NTM: variants seen among roughly 807,000 people sequenced by gnomAD.
NTM encodes neurotrimin.
Under a neutral mutation model 42.1 loss-of-function variants are expected in NTM, and 13 were observed. The ratio of observed to expected loss-of-function variants is 0.31; its 90% CI spans 0.20 to 0.49. NTM has a LOEUF of 0.49. NTM is among the 20% of genes least tolerant of loss of function. The pLI is 0.99. For missense variants in NTM, 373 were observed against 452.8 expected, an observed-to-expected ratio of 0.82 and a Z score of 1.60; for synonymous variants, 187 against 179.2, an observed-to-expected ratio of 1.04 and a Z score of -0.35.
intron 1 of NTM, chr11:131,795,046 G>A (rs2091403026): frequency 1.1e-6 from 1 of 890,410 alleles, no homozygotes. Flanking sequence ...CAAAGGGGGG[G>A]AAAAAAACAG....
At chr11:131,700,202 A>C (rs2075934606) in intron 1 of NTM, among the ~76,000 whole-genome samples, 1 of 152,254 alleles carries the variant, frequency 6.6e-6, no homozygotes, top group Non-Finnish European at 1.5e-5. Flanking sequence ...CCAGCCAAAA[A>C]ATTGTCTTTC....
chr11:131,911,477 C>T, intron 1 of NTM, 87 bp from the exon 2 acceptor site: 1 of 1,614,016 alleles, frequency 6.2e-7, no homozygotes, highest in African/African-American at 1.3e-5. Flanking sequence ...TTGTGGCTGT[C>T]GAGAATGGGG....
chr11:131,489,669 C>T (rs534638341), intron 1 of NTM, among the ~76,000 whole-genome samples: 8 of 152,262 alleles, frequency 5.3e-5, no homozygotes, highest in African/African-American at 1.4e-4. Context: ...GGGGCCCTTA[C>T]GTTTTCTTCA....
At chr11:132,078,011 T>C (rs2058581648) in intron 2 of NTM, among the ~76,000 whole-genome samples, 3 of 152,058 alleles carry the variant, frequency 2.0e-5, no homozygotes, top group South Asian at 2.1e-4. Context: ...ACTTGAAAAA[T>C]AGAAATGTAT....
At position 132,146,781 on chromosome 11, in the gene NTM, C is replaced by A. The variant is rs1293073690; in HGVS notation, c.400+267C>A. On this transcript the variant is annotated intron_variant, in intron 3 of 8. Coordinates refer to ENST00000683400, the MANE Select transcript of NTM (RefSeq NM_001352005.2). This position sits in a 1 kb window ranked among gnomAD's most constrained non-coding sequence, Gnocchi z 4.5. The stretch of plus-strand genomic sequence containing the variant: ...ATCTTGTAATTATTGCTCTTCTTGG[C>A]TTTTTTCTCCCCTAAGTTTTAGTTA... The A allele has an allele frequency of 2.4e-6, 1 of 425,270 alleles. No homozygotes were observed. The allele number at this position is 425,270 out of a possible 1,614,324, so 26.3% of individuals were successfully genotyped here. A position where few individuals can be genotyped will look rare whatever the true frequency, so the allele number is the denominator to read the frequency against.
chr11:132,024,551 T>C (rs925176135), intron 2 of NTM, among the ~76,000 whole-genome samples: 1 of 152,220 alleles, frequency 6.6e-6, no homozygotes, highest in South Asian at 2.1e-4. Context: ...TTGAATAGTT[T>C]CGATCCCCAG....
At chr11:132,150,446 T>C (rs2137417055) in intron 3 of NTM, among the ~76,000 whole-genome samples, 1 of 152,266 alleles carries the variant, frequency 6.6e-6, no homozygotes, top group South Asian at 2.1e-4. Flanking sequence ...CTTTATTGGA[T>C]AGTGCTATAA....
intron 1 of NTM, among the ~76,000 whole-genome samples, chr11:131,891,341 A>G (rs1435333696): frequency 1.3e-5 from 2 of 152,102 alleles, no homozygotes; most frequent in Non-Finnish European, 2.9e-5. Context: ...TGAGGGGTGA[A>G]TAGTGTTGAT....
intron 1 of NTM, among the ~76,000 whole-genome samples, chr11:131,499,481 G>A (rs138887134): frequency 6.6e-6 from 1 of 152,126 alleles, no homozygotes; most frequent in Admixed American, 6.5e-5. Context: ...GCCTGCAGAA[G>A]GTCTCCCCAC....
intron 1 of NTM, among the ~76,000 whole-genome samples, chr11:131,756,723 T>G (rs1417888247): frequency 6.6e-6 from 1 of 151,978 alleles, no homozygotes; most frequent in Non-Finnish European, 1.5e-5. Flanking sequence ...TCAGGGATTA[T>G]CTCATCTCAG....
intron 1 of NTM, among the ~76,000 whole-genome samples, chr11:131,627,821 ACT>A (rs901862804): frequency 1.4e-4 from 22 of 151,962 alleles, no homozygotes; most frequent in Non-Finnish European, 2.6e-4. Context: ...ACAGAGTAAG[ACT>A]CTGTCTTAAC....
chr11:132,190,908 C>T (rs182470355), intron 3 of NTM, among the ~76,000 whole-genome samples: 238 of 151,926 alleles, frequency 1.6e-3, no homozygotes, highest in Non-Finnish European at 2.4e-3. Context: ...CAGTCAAATG[C>T]CATTGGAGGT....
chr11:131,998,453 G>C (rs1054527091), intron 2 of NTM, among the ~76,000 whole-genome samples: 4 of 152,188 alleles, frequency 2.6e-5, no homozygotes, highest in African/African-American at 9.7e-5. Context: ...GGGCCACCCT[G>C]GCCAGCCCTC....
intron 1 of NTM, among the ~76,000 whole-genome samples, chr11:131,648,739 G>T (rs899780559): frequency 6.6e-6 from 1 of 152,128 alleles, no homozygotes; most frequent in Non-Finnish European, 1.5e-5. Flanking sequence ...GAAAAAAGAG[G>T]CAGTAACAGT....
intron 1 of NTM, among the ~76,000 whole-genome samples, chr11:131,468,575 G>C (rs1952117959): frequency 6.6e-6 from 1 of 152,000 alleles, no homozygotes; most frequent in South Asian, 2.1e-4. Context: ...TTATTTTTCT[G>C]ATGCTACAGT....
At chr11:132,298,334 A>G (rs1053194908) in intron 4 of NTM, among the ~76,000 whole-genome samples, 1 of 152,068 alleles carries the variant, frequency 6.6e-6, no homozygotes. Context: ...TTTTATTTTT[A>G]TTTTTTTAGC....
rs567645914 is a variant in NTM, at chr11:132,004,982, G to A, written c.167+93334G>A. 1.3e-4 allele frequency among the ~76,000 whole-genome samples: 20 copies of A among 152,238 alleles called. No homozygotes were observed. In the South Asian group the frequency reaches 3.9e-3, roughly 30 times the overall value. On this transcript the variant is annotated intron_variant, in intron 2 of 8. Coordinates refer to ENST00000683400, the MANE Select transcript of NTM (RefSeq NM_001352005.2). ...TTACCTTACCACGCAGAATGACAACGGGATGCTAGGACTAAGCCAACTTCA... is the reference window on the plus strand; with the variant it reads ...TTACCTTACCACGCAGAATGACAACAGGATGCTAGGACTAAGCCAACTTCA...
intron 1 of NTM, among the ~76,000 whole-genome samples, chr11:131,808,469 G>A (rs750626952): frequency 3.9e-5 from 6 of 152,170 alleles, no homozygotes; most frequent in African/African-American, 7.2e-5. Context: ...GTAAATAAGC[G>A]TAACTAAGAC....
At chr11:131,643,728 CAAT>C (rs1220700437) in intron 1 of NTM, among the ~76,000 whole-genome samples, 1 of 152,308 alleles carries the variant, frequency 6.6e-6, no homozygotes, top group Admixed American at 6.5e-5. Context: ...GCTGGAGCTA[CAAT>C]AACACAGTGC....
Sources: gnomAD v4.1 joint callset for allele counts (sites outside exome capture counted in the v4.1 genomes callset) on GRCh38, gnomAD v4.1.1 for gene constraint, Gnocchi (gnomAD v3.1) non-coding constraint, MANE v1.5 for transcripts, NCBI Gene and HGNC (gene_info 2026-07-23, HGNC 2026-07-21) for gene names.